S100PBP: variants seen among roughly 807,000 people sequenced by gnomAD.
S100PBP encodes S100P binding protein.
A neutral mutation model predicts 39.9 loss-of-function variants in S100PBP; 15 were observed. That is an observed-to-expected ratio of 0.38 (90% confidence interval 0.25 to 0.58). The LOEUF is 0.58. Ranked by LOEUF, S100PBP falls within the 20% of genes least tolerant of loss-of-function variation. The pLI, the probability that S100PBP is intolerant of heterozygous loss-of-function variation, is 0.70. For missense variants in S100PBP, 504 were observed against 487.3 expected (o/e 1.03, Z -0.32); for synonymous variants, 178 against 180.3 (o/e 0.99, Z 0.10).
rs903559779 is a variant in S100PBP at position 32,825,392 on chromosome 1, C to T, written c.-40C>T. ...ACTGAAACCTTTTTCCATTTGGTCT[C>T]GTGGCAAAGGCAGAGATTGCTCCAG... On this transcript the variant is annotated 5_prime_UTR_variant, in exon 2 of 7. Transcript: ENST00000373475. The T allele has an allele frequency of 2.6e-5, 4 of 152,156 alleles. No homozygotes were observed. Among genetic ancestry groups the T allele is most frequent in the South Asian group, 2.1e-4 (1 of 4,824 alleles). 9.4% of individuals were successfully genotyped at this position (152,156 alleles called of 1,614,324 possible). A position where few individuals can be genotyped will look rare whatever the true frequency, so the allele number is the denominator to read the frequency against.
intron 5 of S100PBP, among the ~76,000 whole-genome samples, chr1:32,850,650 T>A (rs948660894): frequency 2.0e-5 from 3 of 152,168 alleles, no homozygotes; most frequent in Non-Finnish European, 4.4e-5. Flanking sequence ...TGACCTTTTT[T>A]AAAAAATAAA....
At chr1:32,820,983 T>G (rs776582827) in intron 1 of S100PBP, among the ~76,000 whole-genome samples, 2 of 148,844 alleles carry the variant, frequency 1.3e-5, no homozygotes, top group Non-Finnish European at 3.0e-5. Flanking sequence ...CTCAAAAAAA[T>G]AACAATAATT....
chr1:32,826,627 C>G lies in S100PBP; in HGVS notation c.528C>G (p.Ser176=). 1 of 1,614,088 alleles carries G rather than the reference C, an allele frequency of 6.2e-7. No individual in the cohort carries two copies. The highest frequency in any genetic ancestry group is 1.1e-5 in the South Asian group (1 of 91,076). The change falls in exon 3 of 7, where the codon TCC becomes TCG. Residue 176 remains serine (S), a synonymous_variant. Transcript: ENST00000373475. ...CCAAAGATACTGAAAAACTCTCTTCCCTTGGAGAAGAGATGAGAGAAGATG... is the reference window on the plus strand; with the variant it reads ...CCAAAGATACTGAAAAACTCTCTTCGCTTGGAGAAGAGATGAGAGAAGATG... ...DSSKDTEKLS[S]LGEEMREDGL...
At chr1:32,852,282 T>C (rs976376550) in intron 5 of S100PBP, among the ~76,000 whole-genome samples, 8 of 151,458 alleles carry the variant, frequency 5.3e-5, no homozygotes, top group Non-Finnish European at 1.2e-4. Flanking sequence ...CATTGCACTC[T>C]AGCCTGGACG....
At chr1:32,842,339 A>G (rs1255495739) in intron 5 of S100PBP, among the ~76,000 whole-genome samples, 22 of 150,704 alleles carry the variant, frequency 1.5e-4, no homozygotes, top group Admixed American at 1.5e-3. Flanking sequence ...TATTGAAAAG[A>G]CTGTCCATTC....
intron 4 of S100PBP, among the ~76,000 whole-genome samples, chr1:32,828,860 G>A (rs1326892877): frequency 6.6e-6 from 1 of 152,048 alleles, no homozygotes; most frequent in African/African-American, 2.4e-5. Flanking sequence ...AAAATACCCA[G>A]GTGTGGTGGT....
chr1:32,824,259 A>G (rs1003017618), intron 1 of S100PBP, among the ~76,000 whole-genome samples: 8 of 151,688 alleles, frequency 5.3e-5, no homozygotes, highest in African/African-American at 1.9e-4. Context: ...AGGGTGTGGT[A>G]TGGAGGGTCA....
chr1:32,828,290 G>A (rs1327325436), intron 4 of S100PBP, among the ~76,000 whole-genome samples: 1 of 151,908 alleles, frequency 6.6e-6, no homozygotes, highest in Non-Finnish European at 1.5e-5. Flanking sequence ...GGCTAATGAT[G>A]CCTCCTCTGC....
At chr1:32,816,934 G>T, upstream of S100PBP, 2 of 598,310 alleles carry the variant, frequency 3.3e-6, no homozygotes, top group Non-Finnish European at 6.0e-6. Context: ...TGGAATGGGA[G>T]TCCTGGATTC....
chr1:32,817,334 C>G, upstream of S100PBP: 1 of 1,543,578 alleles, frequency 6.5e-7, no homozygotes, highest in Non-Finnish European at 8.9e-7. Context: ...AACTGTCACG[C>G]GAGTCCAGCC....
chr1:32,826,763 A>T lies in S100PBP; in HGVS notation c.664A>T (p.Thr222Ser). The T allele has an allele frequency of 1.2e-6, 2 of 1,614,106 alleles. No individual in the cohort carries two copies. Residue 222 changes from threonine (T) to serine (S), a missense_variant, in exon 3 of 7, where the codon ACT becomes TCT. Thr to Ser is a moderately conservative substitution (Grantham distance 58, BLOSUM62 1). Transcript: ENST00000373475. ...LSSSNNNFQQ[T>S]VSDKNMPDSE... is the part of the protein sequence containing the mutation. The stretch of plus-strand genomic sequence containing the variant: ...TTCTTCAAACAATAACTTTCAACAG[A>T]CTGTCTCTGATAAAAATATGCCTGA...
chr1:32,818,962 C>G (rs1414505963), intron 1 of S100PBP: 1 of 152,124 alleles, frequency 6.6e-6, no homozygotes, highest in Non-Finnish European at 1.5e-5. Flanking sequence ...TGGTAATGGT[C>G]TTGACTTTAG....
At position 32,829,386 on chromosome 1, in the gene S100PBP, AG is replaced by A. The variant is rs113299337; in HGVS notation, c.921-575del. Among the ~76,000 whole-genome samples the A allele has an allele frequency of 3.4e-3, 523 of 152,328 alleles. 7 individuals carry two copies. Among genetic ancestry groups the A allele is most frequent in the African/African-American group, 0.012 (495 of 41,570 alleles). On this transcript the variant is annotated intron_variant, in intron 4 of 6. Transcript: ENST00000373475. ...GAATTACTCAATAAATACTTTCTCT[AG>A]GGACTAGTAATCTTCACCTTTCTAT...
chr1:32,820,038 G>A (rs1218399315), intron 1 of S100PBP, among the ~76,000 whole-genome samples: 1 of 151,766 alleles, frequency 6.6e-6, no homozygotes, highest in Non-Finnish European at 1.5e-5. Flanking sequence ...ATATGGTTGA[G>A]TGCTGGATTA....
At chr1:32,839,193 A>G (rs1639978913) in intron 5 of S100PBP, among the ~76,000 whole-genome samples, 1 of 152,112 alleles carries the variant, frequency 6.6e-6, no homozygotes, top group South Asian at 2.1e-4. Flanking sequence ...TATGAATTTG[A>G]CTACTCTAGG....
At position 32,826,249 on chromosome 1, in the gene S100PBP, T is replaced by C. The variant is rs1039753452; in HGVS notation, c.150T>C (p.Asp50=). Residue 50 remains aspartate (D), a synonymous_variant, in exon 3 of 7, where the codon GAT becomes GAC. Transcript: ENST00000373475. The part of the protein sequence containing the change: ...ELSEGEEDDG[D]VNYTEEEIDA... ...CAGAGGGAGAAGAAGATGATGGTGA[T>C]GTAAATTACACAGAGGAAGAGATTG... 1.9e-6 allele frequency: 3 copies of C among 1,614,024 alleles called. No homozygotes were observed. Among genetic ancestry groups the C allele is most frequent in the Non-Finnish European group, 2.5e-6 (3 of 1,180,026 alleles).
chr1:32,819,434 G>A (rs1336111651), intron 1 of S100PBP, among the ~76,000 whole-genome samples: 2 of 152,116 alleles, frequency 1.3e-5, no homozygotes, highest in Non-Finnish European at 2.9e-5. Flanking sequence ...CTAGCATGGT[G>A]GACGCCTGTA....
At chr1:32,853,818 A>G (rs1393345012) in intron 6 of S100PBP, among the ~76,000 whole-genome samples, 2 of 151,996 alleles carry the variant, frequency 1.3e-5, no homozygotes, top group African/African-American at 2.4e-5. Flanking sequence ...CTTGAAGCCC[A>G]GGAGCTTGAG....
rs1254539998 is a variant in S100PBP, at chr1:32,857,127, G to A, written c.*1089G>A. 1 of 152,128 alleles carries A rather than the reference G, an allele frequency of 6.6e-6. No individual in the cohort carries two copies. Among genetic ancestry groups the A allele is most frequent in the African/African-American group, 2.4e-5 (1 of 41,400 alleles). 9.4% of individuals were successfully genotyped at this position (152,128 alleles called of 1,614,324 possible). Reference sequence around the variant, plus strand: ...ATTAGTTAACAAGAGGTGTCTTTAGGCCCTGGATGTTACCATCTCATTTGG... The same window carrying A: ...ATTAGTTAACAAGAGGTGTCTTTAGACCCTGGATGTTACCATCTCATTTGG... On this transcript the variant is annotated 3_prime_UTR_variant, in exon 7 of 7. Transcript: ENST00000373475.
Sources: allele counts gnomAD v4.1 joint callset (sites outside exome capture counted in the v4.1 genomes callset), GRCh38; gene constraint gnomAD v4.1.1; transcripts MANE v1.5; gene names NCBI Gene and HGNC (gene_info 2026-07-23, HGNC 2026-07-21).